The following DNAJC1 variants were observed in gnomAD, a reference collection of about 807,000 sequenced individuals.
DNAJC1 encodes the protein dnaJ homolog subfamily C member 1.
A neutral mutation model predicts 76.6 loss-of-function variants in DNAJC1; 58 were observed. That is an observed-to-expected ratio of 0.76 (90% CI 0.61 to 0.94). The LOEUF is 0.94. Ranked by LOEUF, DNAJC1 falls within the 40% of genes least tolerant of loss-of-function variation. The pLI is 0.00. For synonymous variants in DNAJC1, 258 were observed against 267.9 expected (o/e 0.96, Z 0.36); for missense variants, 689 against 677.3 (o/e 1.02, Z -0.19).
At chr10:21,759,709 C>T (rs889262103) in intron 10 of DNAJC1, 91 bp from the exon 11 acceptor site, 26 of 1,215,210 alleles carry the variant, frequency 2.1e-5, no homozygotes, top group African/African-American at 6.1e-5. Flanking sequence ...GAGCAGGCAG[C>T]GCACTAGGCA....
intron 8 of DNAJC1, among the ~76,000 whole-genome samples, chr10:21,858,771 A>C (rs1835879431): frequency 6.6e-6 from 1 of 152,200 alleles, no homozygotes; most frequent in Admixed American, 6.5e-5. Context: ...CCACTAGGTC[A>C]CCAGGGAGGA....
intron 7 of DNAJC1, among the ~76,000 whole-genome samples, chr10:21,883,042 G>A (rs867303254): frequency 6.6e-6 from 1 of 152,052 alleles, no homozygotes; most frequent in Non-Finnish European, 1.5e-5. Flanking sequence ...TGGAGGCCAG[G>A]AGTTCGAGAC....
At chr10:21,803,540 G>C (rs979298294) in intron 9 of DNAJC1, among the ~76,000 whole-genome samples, 2 of 151,810 alleles carry the variant, frequency 1.3e-5, no homozygotes, top group South Asian at 2.1e-4. Context: ...AGTCATCCCT[G>C]TGAGTTACTG....
At chr10:21,893,231 G>A (rs1451891967) in intron 7 of DNAJC1, among the ~76,000 whole-genome samples, 12 of 152,088 alleles carry the variant, frequency 7.9e-5, no homozygotes, top group South Asian at 2.1e-4. Context: ...TAACAAAAAC[G>A]TCTCTGAACA....
chr10:21,869,129 G>T (rs1033681903), intron 8 of DNAJC1, among the ~76,000 whole-genome samples: 1 of 150,038 alleles, frequency 6.7e-6, no homozygotes, highest in African/African-American at 2.5e-5. Flanking sequence ...TATCTCTTCT[G>T]GAGAATATGA....
chr10:21,947,180 T>C (rs960138367), intron 1 of DNAJC1, among the ~76,000 whole-genome samples: 1 of 152,176 alleles, frequency 6.6e-6, no homozygotes, highest in East Asian at 1.9e-4. Context: ...GTGCAAAATG[T>C]CCTGTGCATG....
At chr10:21,789,890 A>G (rs1415388320) in intron 9 of DNAJC1, among the ~76,000 whole-genome samples, 1 of 151,824 alleles carries the variant, frequency 6.6e-6, no homozygotes, top group East Asian at 1.9e-4. Flanking sequence ...CACGCCTGTA[A>G]TCCCAGCTAC....
chr10:21,840,642 A>G (rs1490117337), intron 8 of DNAJC1, among the ~76,000 whole-genome samples: 1 of 152,242 alleles, frequency 6.6e-6, no homozygotes, highest in East Asian at 1.9e-4. Context: ...GCTCATGGGT[A>G]GGAAGAATCA....
At chr10:21,870,048 A>G (rs1240377917) in intron 8 of DNAJC1, among the ~76,000 whole-genome samples, 1 of 152,078 alleles carries the variant, frequency 6.6e-6, no homozygotes, top group South Asian at 2.1e-4. Context: ...TAAAAGCAAA[A>G]ATCCTAAAAA....
intron 8 of DNAJC1, among the ~76,000 whole-genome samples, chr10:21,854,361 A>C (rs1025694600): frequency 2.0e-5 from 3 of 151,954 alleles, no homozygotes; most frequent in East Asian, 1.9e-4. Context: ...AAAAAAAAAA[A>C]AAAAAAAAAC....
intron 9 of DNAJC1, chr10:21,803,958 C>A (rs1451490774): frequency 5.1e-6 from 5 of 983,248 alleles, no homozygotes; most frequent in Non-Finnish European, 4.8e-6. Context: ...CTATTGCAGA[C>A]ACGGAATCAT....
intron 8 of DNAJC1, among the ~76,000 whole-genome samples, chr10:21,874,286 C>T (rs767733520): frequency 1.3e-5 from 2 of 152,024 alleles, no homozygotes; most frequent in East Asian, 1.9e-4. Flanking sequence ...TGGTGGCACA[C>T]GTGTGTAGTC....
chr10:21,902,520 G>A (rs1212066063), intron 7 of DNAJC1, among the ~76,000 whole-genome samples: 1 of 152,100 alleles, frequency 6.6e-6, no homozygotes, highest in African/African-American at 2.4e-5. Flanking sequence ...GTCCAGGTGG[G>A]TCTCGAACTC....
At chr10:21,917,251 G>A (rs559958262) in intron 6 of DNAJC1, among the ~76,000 whole-genome samples, 1 of 152,102 alleles carries the variant, frequency 6.6e-6, no homozygotes, top group African/African-American at 2.4e-5. Flanking sequence ...AGCTATCACA[G>A]GCAAGTATTT....
chr10:21,798,162 G>T (rs764653565), intron 9 of DNAJC1, among the ~76,000 whole-genome samples: 5 of 152,150 alleles, frequency 3.3e-5, no homozygotes, highest in Non-Finnish European at 7.3e-5. Flanking sequence ...ACGTGCCTTT[G>T]TATACCACAT....
chr10:21,899,088 A>G (rs1836599856), intron 7 of DNAJC1, among the ~76,000 whole-genome samples: 1 of 152,174 alleles, frequency 6.6e-6, no homozygotes, highest in Non-Finnish European at 1.5e-5. Context: ...AGTGACTGCA[A>G]CCACACCTGG....
chr10:21,778,665 T>C (rs554320341), intron 9 of DNAJC1, among the ~76,000 whole-genome samples: 3 of 152,324 alleles, frequency 2.0e-5, no homozygotes, highest in East Asian at 3.9e-4. Context: ...GCTCCCAGTG[T>C]GAGCGACGGA....
intron 6 of DNAJC1, among the ~76,000 whole-genome samples, chr10:21,911,082 AGGAAGGCGGGAAGGCG>A (rs1178536872): frequency 4.8e-5 from 6 of 125,130 alleles, no homozygotes; most frequent in Non-Finnish European, 8.8e-5. Context: ...GAAGGAAGGA[AGGAAGGCGGGAAGGCG>A]GGAAGGCGGG....
intron 6 of DNAJC1, among the ~76,000 whole-genome samples, chr10:21,913,893 C>T (rs998902471): frequency 1.1e-4 from 17 of 152,190 alleles, no homozygotes; most frequent in African/African-American, 3.6e-4. Flanking sequence ...CCCACATCTT[C>T]TGGGGATCAC....
Sources: gnomAD v4.1 joint callset for allele counts (sites outside exome capture counted in the v4.1 genomes callset) on GRCh38, gnomAD v4.1.1 for gene constraint, MANE v1.5 for transcripts, NCBI Gene and HGNC (gene_info 2026-07-23, HGNC 2026-07-21) for gene names.